DMRT1: variants seen among roughly 807,000 people sequenced by gnomAD.
The protein encoded by DMRT1 is doublesex and mab-3 related transcription factor 1.
A neutral mutation model predicts 32.3 loss-of-function variants in DMRT1; 7 were observed. The ratio of observed to expected loss-of-function variants is 0.22; its 90% CI spans 0.12 to 0.41. The LOEUF is 0.41. Among genes scored for constraint, DMRT1 ranks in the 10% least tolerant of loss-of-function variants. The pLI, the probability that DMRT1 is intolerant of heterozygous loss-of-function variation, is 1.00. For synonymous variants in DMRT1, 278 were observed against 206.1 expected (o/e 1.35, Z -2.99); for missense variants, 625 against 500.5 (o/e 1.25, Z -2.37).
chr9:855,479 T>A (rs1335697960), intron 2 of DMRT1, among the ~76,000 whole-genome samples: 1 of 152,250 alleles, frequency 6.6e-6, no homozygotes, highest in Non-Finnish European at 1.5e-5. Flanking sequence ...AAACCATTGC[T>A]GAATGAATAA....
At chr9:858,360 G>A (rs1815493957) in intron 2 of DMRT1, among the ~76,000 whole-genome samples, 1 of 152,092 alleles carries the variant, frequency 6.6e-6, no homozygotes, top group Non-Finnish European at 1.5e-5. Flanking sequence ...GGTCATCTGT[G>A]TCATCAGTGT....
intron 3 of DMRT1, among the ~76,000 whole-genome samples, chr9:907,653 C>A (rs780575507): frequency 3.3e-5 from 5 of 152,180 alleles, no homozygotes; most frequent in Non-Finnish European, 7.4e-5. Flanking sequence ...CAGTAAGAAA[C>A]TGTATTCCAG....
At chr9:886,423 T>C (rs1287213687) in intron 2 of DMRT1, among the ~76,000 whole-genome samples, 1 of 152,172 alleles carries the variant, frequency 6.6e-6, no homozygotes, top group Non-Finnish European at 1.5e-5. Context: ...CACGCCCGGC[T>C]AGTTTTTCTG....
chr9:876,389 G>C (rs1816499979), intron 2 of DMRT1, among the ~76,000 whole-genome samples: 1 of 152,134 alleles, frequency 6.6e-6, no homozygotes, highest in Non-Finnish European at 1.5e-5. Flanking sequence ...AAGGGGAAAA[G>C]GCCTAGACCA....
At chr9:898,789 T>A (rs1303047414) in intron 3 of DMRT1, among the ~76,000 whole-genome samples, 1 of 152,152 alleles carries the variant, frequency 6.6e-6, no homozygotes, top group Non-Finnish European at 1.5e-5. Context: ...CCAGATGGAG[T>A]CATCTTTTTA....
At position 847,199 on chromosome 9, in the gene DMRT1, G is replaced by C. The variant is rs986442852; in HGVS notation, c.538+56G>C. On this transcript the variant is annotated intron_variant, in intron 2 of 4. Coordinates refer to ENST00000382276, the MANE Select transcript of DMRT1 (RefSeq NM_021951.3). ...GGCTGGGCATGAGGGAGGCCGAAGGGTTGCAGCCACAGAAGCAGGGCTCCC... is the reference window on the plus strand; with the variant it reads ...GGCTGGGCATGAGGGAGGCCGAAGGCTTGCAGCCACAGAAGCAGGGCTCCC... 8 of 1,576,508 alleles carry C rather than the reference G, an allele frequency of 5.1e-6. No individual in the cohort carries two copies. The East Asian group carries it at 1.1e-4, about 22-fold the overall frequency.
chr9:881,964 G>A (rs766421467), intron 2 of DMRT1, among the ~76,000 whole-genome samples: 2 of 152,242 alleles, frequency 1.3e-5, no homozygotes, highest in Non-Finnish European at 2.9e-5. Context: ...CTCTGTCTTG[G>A]CCGTGAGACA....
chr9:876,522 A>G (rs921916815), intron 2 of DMRT1, among the ~76,000 whole-genome samples: 1 of 133,592 alleles, frequency 7.5e-6, no homozygotes, highest in Non-Finnish European at 1.6e-5. Context: ...ACTCCTCGTC[A>G]ATAGGCTTTT....
At chr9:874,676 A>T (rs1043756516) in intron 2 of DMRT1, among the ~76,000 whole-genome samples, 2 of 151,990 alleles carry the variant, frequency 1.3e-5, no homozygotes, top group African/African-American at 4.8e-5. Context: ...AGTGAAATTT[A>T]GGTATGCATC....
intron 4 of DMRT1, among the ~76,000 whole-genome samples, chr9:944,771 C>G (rs1182464251): frequency 6.6e-6 from 1 of 152,132 alleles, no homozygotes; most frequent in Non-Finnish European, 1.5e-5. Flanking sequence ...ATTATGATAT[C>G]AAATGCTTAT....
chr9:909,487 T>C (rs915915698), intron 3 of DMRT1, among the ~76,000 whole-genome samples: 3 of 152,060 alleles, frequency 2.0e-5, no homozygotes, highest in Admixed American at 1.3e-4. Context: ...CCCATTTAGA[T>C]GGTTCGAAAA....
intron 3 of DMRT1, among the ~76,000 whole-genome samples, chr9:897,072 C>T (rs1000314580): frequency 6.1e-5 from 9 of 146,534 alleles, no homozygotes; most frequent in African/African-American, 2.0e-4. Flanking sequence ...GTTCTTCATA[C>T]GTTTTATTTT....
chr9:858,599 C>T (rs989623488), intron 2 of DMRT1, among the ~76,000 whole-genome samples: 1 of 151,976 alleles, frequency 6.6e-6, no homozygotes, highest in Admixed American at 6.6e-5. Context: ...TTAGGCTGGG[C>T]GCAGTGGCTC....
chr9:949,013 A>T (rs1819342379), intron 4 of DMRT1, among the ~76,000 whole-genome samples: 1 of 151,802 alleles, frequency 6.6e-6, no homozygotes, highest in Non-Finnish European at 1.5e-5. Flanking sequence ...GAATCACTTG[A>T]ATCCGGGAGG....
At chr9:877,252 T>C (rs1368603026) in intron 2 of DMRT1, among the ~76,000 whole-genome samples, 3 of 151,714 alleles carry the variant, frequency 2.0e-5, no homozygotes, top group Admixed American at 6.6e-5. Context: ...AATAAAAAAA[T>C]TGAGTGGTCT....
intron 4 of DMRT1, among the ~76,000 whole-genome samples, chr9:935,413 T>C (rs1320790673): frequency 2.0e-5 from 3 of 152,190 alleles, no homozygotes; most frequent in Admixed American, 6.5e-5. Context: ...TTGTTTTAAT[T>C]TGACACACTC....
At chr9:966,438 A>G (rs1819932840) in intron 4 of DMRT1, among the ~76,000 whole-genome samples, 1 of 152,226 alleles carries the variant, frequency 6.6e-6, no homozygotes, top group Non-Finnish European at 1.5e-5. Context: ...AAATCTATCA[A>G]TATAAAAAGT....
intron 4 of DMRT1, among the ~76,000 whole-genome samples, chr9:930,785 C>T (rs1460032224): frequency 6.6e-6 from 1 of 152,126 alleles, no homozygotes; most frequent in Non-Finnish European, 1.5e-5. Context: ...CTCAAGCGGC[C>T]TGTTTCAGCC....
At chr9:910,170 C>T (rs764737433) in intron 3 of DMRT1, among the ~76,000 whole-genome samples, 32 of 152,202 alleles carry the variant, frequency 2.1e-4, no homozygotes, top group Non-Finnish European at 2.6e-4. Context: ...ACGAACTTAA[C>T]GCTGAAGATT....
Sources: allele counts gnomAD v4.1 joint callset (sites outside exome capture counted in the v4.1 genomes callset), GRCh38; gene constraint gnomAD v4.1.1; transcripts MANE v1.5; gene names NCBI Gene and HGNC (gene_info 2026-07-23, HGNC 2026-07-21).